LHFPL6: variants seen among roughly 807,000 people sequenced by gnomAD.
LHFPL6 encodes LHFPL tetraspan subfamily member 6 protein.
In LHFPL6, 9 loss-of-function variants were observed where a neutral mutation model predicts 20.6. The ratio of observed to expected loss-of-function variants is 0.44; its 90% CI spans 0.26 to 0.76. The LOEUF is 0.76. Ranked by LOEUF, LHFPL6 falls within the 30% of genes least tolerant of loss-of-function variation. The pLI is 0.20. For synonymous variants in LHFPL6, 105 were observed against 98.7 expected (o/e 1.06, Z -0.38); for missense variants, 218 against 253.5 (o/e 0.86, Z 0.95).
intron 2 of LHFPL6, among the ~76,000 whole-genome samples, chr13:39,430,386 G>A (rs1032992763): frequency 1.3e-5 from 2 of 152,210 alleles, no homozygotes; most frequent in African/African-American, 2.4e-5. Flanking sequence ...ATTGGTGGAA[G>A]GACTTACTTC....
intron 2 of LHFPL6, among the ~76,000 whole-genome samples, chr13:39,390,021 A>C (rs1361564015): frequency 6.6e-6 from 1 of 152,164 alleles, no homozygotes; most frequent in African/African-American, 2.4e-5. Flanking sequence ...CAGACTCCCA[A>C]CTACCTTCAT....
intron 2 of LHFPL6, among the ~76,000 whole-genome samples, chr13:39,385,422 T>C (rs1053561075): frequency 6.6e-5 from 10 of 152,236 alleles, no homozygotes; most frequent in African/African-American, 1.7e-4. Flanking sequence ...AGAGCTGGCA[T>C]AGACAATTAC....
At chr13:39,536,588 T>G (rs1870626134) in intron 2 of LHFPL6, among the ~76,000 whole-genome samples, 1 of 152,224 alleles carries the variant, frequency 6.6e-6, no homozygotes, top group South Asian at 2.1e-4. Flanking sequence ...GAGCTCTTCC[T>G]GCCCAACTTT....
chr13:39,389,517 C>T (rs1222466747), intron 2 of LHFPL6, among the ~76,000 whole-genome samples: 1 of 152,130 alleles, frequency 6.6e-6, no homozygotes, highest in African/African-American at 2.4e-5. Context: ...TGGTCTGGAG[C>T]CAGGCTCTGC....
At chr13:39,519,108 C>A (rs773107266) in intron 2 of LHFPL6, among the ~76,000 whole-genome samples, 1 of 152,034 alleles carries the variant, frequency 6.6e-6, no homozygotes, top group African/African-American at 2.4e-5. Context: ...TGGTGGTGAG[C>A]GCCTGTAATC....
At chr13:39,598,670 C>T (rs778108289) in intron 2 of LHFPL6, among the ~76,000 whole-genome samples, 2 of 152,098 alleles carry the variant, frequency 1.3e-5, no homozygotes, top group South Asian at 4.2e-4. Flanking sequence ...ATTCTCCTGC[C>T]TCAGCCTCCG....
At chr13:39,569,156 C>T (rs9603567) in intron 2 of LHFPL6, among the ~76,000 whole-genome samples, 13,474 of 97,178 alleles carry the variant, frequency 0.14, 713 homozygotes, top group East Asian at 0.26. Context: ...GATGGACGGA[C>T]GGATGGATGG....
In LHFPL6 at chr13:39,459,366, C is replaced by T. The variant is rs576484191; in HGVS notation, c.386-80840G>A. ...TCCTTAATTCTATTTCATGGTTTTT[C>T]CTTTCTCTCTCCTTCCCTTCTTTTT... On this transcript the variant is annotated intron_variant, in intron 2 of 3. Coordinates refer to ENST00000379589, the MANE Select transcript of LHFPL6 (RefSeq NM_005780.3). Among the ~76,000 whole-genome samples the T allele has an allele frequency of 2.6e-5, 4 of 151,916 alleles. No homozygotes were observed. The South Asian group carries it at 8.4e-4, about 32-fold the overall frequency.
chr13:39,410,554 C>T (rs1031066375), intron 2 of LHFPL6, among the ~76,000 whole-genome samples: 10 of 152,108 alleles, frequency 6.6e-5, no homozygotes, highest in African/African-American at 1.7e-4. Flanking sequence ...TCTCCCCATC[C>T]CACCAACAAT....
chr13:39,443,726 T>G (rs1019358386), intron 2 of LHFPL6, among the ~76,000 whole-genome samples: 1 of 151,920 alleles, frequency 6.6e-6, no homozygotes, highest in African/African-American at 2.4e-5. Context: ...GTCCCCAACT[T>G]AAACAATTTT....
chr13:39,539,458 A>G lies in LHFPL6; in HGVS notation c.385+61374T>C, dbSNP rs934342916. On this transcript the variant is annotated intron_variant, in intron 2 of 3. Coordinates refer to ENST00000379589, the MANE Select transcript of LHFPL6 (RefSeq NM_005780.3). ...ATTAGTACTTGAACAGCTTTTGACGATAAGTGGACGATTGGGCCCTTCACC... is the reference window on the plus strand; with the variant it reads ...ATTAGTACTTGAACAGCTTTTGACGGTAAGTGGACGATTGGGCCCTTCACC... Among the ~76,000 whole-genome samples the G allele has an allele frequency of 2.0e-5, 3 of 152,326 alleles. 1 individual carries two copies. In the South Asian group the frequency reaches 6.2e-4, roughly 32 times the overall value.
intron 2 of LHFPL6, among the ~76,000 whole-genome samples, chr13:39,437,624 C>T (rs879756548): frequency 6.6e-6 from 1 of 152,140 alleles, no homozygotes. Context: ...ATTAAATAGG[C>T]CAGGCGCGGT....
intron 3 of LHFPL6, among the ~76,000 whole-genome samples, chr13:39,366,955 T>G (rs1304472925): frequency 6.6e-6 from 1 of 152,254 alleles, no homozygotes; most frequent in Non-Finnish European, 1.5e-5. Context: ...CTTCCAAGAC[T>G]GTTTACTACA....
chr13:39,540,036 G>A (rs4471557), intron 2 of LHFPL6, among the ~76,000 whole-genome samples: 145,844 of 152,254 alleles, frequency 0.96, 69,866 homozygotes, highest in African/African-American at 0.96. Context: ...TAGATTCTCT[G>A]TTAATAAAAA....
chr13:39,597,096 C>T lies in LHFPL6; in HGVS notation c.385+3736G>A, dbSNP rs1872794436. Among the ~76,000 whole-genome samples, 3 of 152,314 alleles carry T rather than the reference C, an allele frequency of 2.0e-5. No individual in the cohort carries two copies. The South Asian group carries it at 6.2e-4, about 32-fold the overall frequency. On this transcript the variant is annotated intron_variant, in intron 2 of 3. Transcript: ENST00000379589. ...TGAGATGATCTCCGGCTTCTTAGAA[C>T]AGAACAGTGTCTAAGCAGGAAAGGT...
intron 2 of LHFPL6, among the ~76,000 whole-genome samples, chr13:39,472,760 C>T (rs985033368): frequency 5.9e-5 from 9 of 152,078 alleles, no homozygotes; most frequent in African/African-American, 2.2e-4. Context: ...AGACACCCGA[C>T]ACCACGCCCA....
chr13:39,352,703 T>C (rs1470100712), intron 3 of LHFPL6, among the ~76,000 whole-genome samples: 1 of 151,500 alleles, frequency 6.6e-6, no homozygotes, highest in Non-Finnish European at 1.5e-5. Context: ...AATTTTAACA[T>C]GTTAATATTT....
intron 2 of LHFPL6, among the ~76,000 whole-genome samples, chr13:39,444,136 G>A (rs925441058): frequency 2.0e-5 from 3 of 152,260 alleles, no homozygotes; most frequent in Admixed American, 2.0e-4. Context: ...TGTGGAACGG[G>A]GGACTCAAGA....
At chr13:39,378,610 T>C (rs912831940) in intron 2 of LHFPL6, 84 bp from the exon 3 acceptor site, 8 of 1,024,352 alleles carry the variant, frequency 7.8e-6, no homozygotes, top group Non-Finnish European at 1.1e-5. Context: ...TTTAGCAATA[T>C]AACAAGACCA....
Sources: allele counts gnomAD v4.1 joint callset (sites outside exome capture counted in the v4.1 genomes callset), GRCh38; gene constraint gnomAD v4.1.1; transcripts MANE v1.5; gene names NCBI Gene and HGNC (gene_info 2026-07-23, HGNC 2026-07-21).